KIF2A: variants seen among roughly 807,000 people sequenced by gnomAD.
The protein encoded by KIF2A is kinesin-like protein KIF2A.
A neutral mutation model predicts 100.2 loss-of-function variants in KIF2A; 22 were observed. The observed-to-expected ratio is 0.22, with a 90% CI of 0.16 to 0.31. The LOEUF (loss-of-function observed/expected upper bound fraction) is 0.31. KIF2A is among the 10% of genes least tolerant of loss of function. The pLI is 1.00. For synonymous variants in KIF2A, 268 were observed against 285.9 expected (o/e 0.94, Z 0.63); for missense variants, 495 against 898.7 (o/e 0.55, Z 5.74).
chr5:62,365,532 A>G (rs1282364825), intron 15 of KIF2A, among the ~76,000 whole-genome samples, 179 bp downstream of exon 15: 3 of 152,214 alleles, frequency 2.0e-5, no homozygotes, highest in South Asian at 2.1e-4. Flanking sequence ...TTGCAGTTAT[A>G]TAATTCCAGC....
rs147910329 is a variant in KIF2A, at chr5:62,382,241, C to T, written c.2149+988C>T. 5.0e-3 allele frequency among the ~76,000 whole-genome samples: 753 copies of T among 152,068 alleles called. 1 individual carries two copies. The highest frequency in any genetic ancestry group is 7.5e-3 in the Non-Finnish European group (510 of 67,986). On this transcript the variant is annotated intron_variant, in intron 20 of 20. Coordinates refer to ENST00000407818, the MANE Select transcript of KIF2A (RefSeq NM_001098511.3). ...TCATTTATTTAAATTGACATCCCAG[C>T]CTGGGCAACATAGAGATCCCATCTC...
At chr5:62,324,457 C>T (rs1245280031) in intron 1 of KIF2A, among the ~76,000 whole-genome samples, 1 of 152,196 alleles carries the variant, frequency 6.6e-6, no homozygotes, top group Admixed American at 6.5e-5. Flanking sequence ...CCATTTCAAG[C>T]TGTACTGCAA....
chr5:62,372,567 T>A lies in KIF2A; in HGVS notation c.1760+16T>A. On this transcript the variant is annotated intron_variant, in intron 17 of 20. Coordinates refer to ENST00000407818, the MANE Select transcript of KIF2A (RefSeq NM_001098511.3). ...CAGTTACCAGGTCTACTTCATTCTA[T>A]ACATAAGATGTTTATTTGTATACTT... 1 of 1,294,572 alleles carries A rather than the reference T, an allele frequency of 7.7e-7. No homozygotes were observed. The highest frequency in any genetic ancestry group is 1.1e-6 in the Non-Finnish European group (1 of 897,530). 80.2% of individuals were successfully genotyped at this position (1,294,572 alleles called of 1,614,324 possible).
chr5:62,344,409 A>G (rs929035069), intron 1 of KIF2A, among the ~76,000 whole-genome samples: 2 of 152,142 alleles, frequency 1.3e-5, no homozygotes, highest in African/African-American at 2.4e-5. Context: ...AAATGAACCA[A>G]TGTGAATTAA....
chr5:62,351,853 G>A (rs1329250994), intron 4 of KIF2A, among the ~76,000 whole-genome samples: 1 of 152,148 alleles, frequency 6.6e-6, no homozygotes, highest in African/African-American at 2.4e-5. Context: ...AAATGAGAAG[G>A]CATGTAAAAT....
chr5:62,379,075 A>C (rs142304196), intron 19 of KIF2A, among the ~76,000 whole-genome samples: 106 of 152,046 alleles, frequency 7.0e-4, no homozygotes, highest in African/African-American at 2.4e-3. Context: ...CTGGAGTTAG[A>C]GACCAGCCTA....
At chr5:62,368,126 G>A (rs1741162953) in intron 16 of KIF2A, among the ~76,000 whole-genome samples, 1 of 152,068 alleles carries the variant, frequency 6.6e-6, no homozygotes, top group Non-Finnish European at 1.5e-5. Flanking sequence ...CATTGGTTTG[G>A]GAAATAGAGC....
intron 1 of KIF2A, among the ~76,000 whole-genome samples, chr5:62,336,831 G>A (rs767800352): frequency 6.6e-6 from 1 of 152,102 alleles, no homozygotes; most frequent in South Asian, 2.1e-4. Flanking sequence ...AAGACTCAAC[G>A]AAGTCAGGTT....
chr5:62,346,406 T>C (rs1220895077), intron 1 of KIF2A, among the ~76,000 whole-genome samples: 1 of 152,166 alleles, frequency 6.6e-6, no homozygotes, highest in African/African-American at 2.4e-5. Flanking sequence ...TAAAAAGTGG[T>C]TTTTAAGTAA....
Position 62,385,521 on chromosome 5 carries a change from G to A in KIF2A, c.2187G>A (p.Glu729=). ...CTTTCCGTGCAGCTCTACAAGAGGA[G>A]GAACAAGCCAGCAAGCAAATCAACC... The part of the protein sequence containing the change: ...VKSFRAALQE[E]EQASKQINPK... Residue 729 remains glutamate (E), a synonymous_variant, in exon 21 of 21, where the codon GAG becomes GAA. Transcript: ENST00000407818. 1 of 1,595,056 alleles carries A rather than the reference G, an allele frequency of 6.3e-7. No homozygotes were observed. The highest frequency in any genetic ancestry group is 8.5e-7 in the Non-Finnish European group (1 of 1,170,386).
At chr5:62,307,470 C>T (rs1431121630) in intron 1 of KIF2A, among the ~76,000 whole-genome samples, 3 of 151,776 alleles carry the variant, frequency 2.0e-5, no homozygotes, top group Non-Finnish European at 4.4e-5. Context: ...GAGTGAGATA[C>T]GCCAGCCAGA....
At chr5:62,315,249 CAAAAAAAAAAA>C (rs765995590) in intron 1 of KIF2A, among the ~76,000 whole-genome samples, 13 of 66,542 alleles carry the variant, frequency 2.0e-4, no homozygotes, top group African/African-American at 4.4e-4. Context: ...AAAAACAGAC[CAAAAAAAAAAA>C]AAAAAAAAAA....
intron 1 of KIF2A, among the ~76,000 whole-genome samples, chr5:62,345,080 C>G (rs1042889573): frequency 1.3e-5 from 2 of 151,516 alleles, no homozygotes; most frequent in African/African-American, 4.9e-5. Context: ...ACCCTGTCCT[C>G]TACTAAAAAT....
Position 62,389,601 on chromosome 5 carries a change from G to T in KIF2A, c.*4032G>T, listed in dbSNP as rs908752604. ...AGAGCCTTTATGTCGTAATGAATTT[G>T]ACTAAAATTATCTTAGACTTTCATT... On this transcript the variant is annotated 3_prime_UTR_variant, in exon 21 of 21. Coordinates refer to ENST00000407818, the MANE Select transcript of KIF2A (RefSeq NM_001098511.3). Among the ~76,000 whole-genome samples the T allele has an allele frequency of 2.6e-5, 4 of 151,532 alleles. No individual in the cohort carries two copies. Among genetic ancestry groups the T allele is most frequent in the Non-Finnish European group, 5.9e-5 (4 of 67,958 alleles).
In KIF2A at chr5:62,357,982, A is replaced by ATTT. The variant is rs145097719; in HGVS notation, c.710-153_710-151dup. Among the ~76,000 whole-genome samples the ATTT allele has an allele frequency of 4.8e-3, 724 of 152,212 alleles. 4 individuals carry two copies. The highest frequency in any genetic ancestry group is 0.017 in the African/African-American group (693 of 41,542). On this transcript the variant is annotated intron_variant, in intron 8 of 20. Transcript: ENST00000407818. The stretch of plus-strand genomic sequence containing the variant: ...TTTGTTTTTACTTTGCTGTTGAAAT[A>ATTT]TTTTGTCTTAGTGAGTTGCATTTTT...
Position 62,377,697 on chromosome 5 carries a change from G to T in KIF2A, c.1948G>T (p.Glu650Ter). Residue 650 changes from glutamate to a stop codon, truncating the protein, a stop_gained, in exon 19 of 21, where the codon GAA becomes TAA. Coordinates refer to ENST00000407818, the MANE Select transcript of KIF2A (RefSeq NM_001098511.3). LOFTEE classifies it high-confidence loss of function. ...CTCTCCACAGTTGTTTACTTTCCAC[G>T]AAGCTGTTTCACAAATGGTAGAAAT... is the stretch of plus-strand genomic sequence containing the variant. Reference protein sequence around the residue: ...EVSPQLFTFHEAVSQMVEMEE... With the variant: ...EVSPQLFTFH The T allele has an allele frequency of 6.4e-7, 1 of 1,555,800 alleles. No homozygotes were observed. Among genetic ancestry groups the T allele is most frequent in the Non-Finnish European group, 8.7e-7 (1 of 1,148,446 alleles).
At position 62,346,744 on chromosome 5, in the gene KIF2A, A is replaced by T. The variant is rs1388079450; in HGVS notation, c.65-386A>T. ...AACAGAGCGAGACTGTCTCAGGAAAAAAAATTTTGCTTTATACATTTTTGT... is the reference window on the plus strand; with the variant it reads ...AACAGAGCGAGACTGTCTCAGGAAATAAAATTTTGCTTTATACATTTTTGT... On this transcript the variant is annotated intron_variant, in intron 1 of 20. Coordinates refer to ENST00000407818, the MANE Select transcript of KIF2A (RefSeq NM_001098511.3). Among the ~76,000 whole-genome samples, 3 of 152,198 alleles carry T rather than the reference A, an allele frequency of 2.0e-5. No individual in the cohort carries two copies. In the East Asian group the frequency reaches 5.8e-4, roughly 29 times the overall value.
At position 62,389,968 on chromosome 5, in the gene KIF2A, GA is replaced by G. The variant is rs1742228150; in HGVS notation, c.*4401del. Among the ~76,000 whole-genome samples, 1 of 152,204 alleles carries G rather than the reference GA, an allele frequency of 6.6e-6. No individual in the cohort carries two copies. ...CTAAAAAAGCAAAGTAGATATTTAT[GA>G]ATAGTATTCAATGCCTAGGATTAAC... On this transcript the variant is annotated 3_prime_UTR_variant, in exon 21 of 21. Coordinates refer to ENST00000407818, the MANE Select transcript of KIF2A (RefSeq NM_001098511.3).
At chr5:62,366,369 C>T in intron 15 of KIF2A, 45 bp from the exon 16 acceptor site, 1 of 1,201,508 alleles carries the variant, frequency 8.3e-7, no homozygotes, top group African/African-American at 1.5e-5. Context: ...TTGTCTTGAT[C>T]ATTTATAACA....
Sources: allele counts gnomAD v4.1 joint callset (sites outside exome capture counted in the v4.1 genomes callset), GRCh38; gene constraint gnomAD v4.1.1; transcripts MANE v1.5; gene names NCBI Gene and HGNC (gene_info 2026-07-23, HGNC 2026-07-21).